AFG2A: variants seen among roughly 807,000 people sequenced by gnomAD.
AFG2A encodes AAA ATPase AFG2A, also known as ATPase family gene 2 protein homolog A.
the AFG2A span, among the ~76,000 whole-genome samples, chr4:122,955,458 A>G: frequency 6.6e-6 from 1 of 152,212 alleles, no homozygotes; most frequent in Non-Finnish European, 1.5e-5. Context: ...GGGACATTCA[A>G]ACCATTGCAG....
chr4:123,122,593 C>T, the AFG2A span, among the ~76,000 whole-genome samples: 1 of 152,136 alleles, frequency 6.6e-6, no homozygotes, highest in African/African-American at 2.4e-5. Context: ...CATTGTAAGT[C>T]AGGGACTGTT....
the AFG2A span, among the ~76,000 whole-genome samples, chr4:123,168,620 G>C: frequency 6.6e-6 from 1 of 152,110 alleles, no homozygotes; most frequent in Non-Finnish European, 1.5e-5. Context: ...CACTTCAAAT[G>C]GGGATTAGTT....
At chr4:123,097,307 T>C in the AFG2A span, among the ~76,000 whole-genome samples, 156 of 152,092 alleles carry the variant, frequency 1.0e-3, no homozygotes, top group South Asian at 4.1e-4. Flanking sequence ...TCTCCATTTT[T>C]CCTAGTTATA....
At chr4:123,241,302 T>C in the AFG2A span, among the ~76,000 whole-genome samples, 1 of 152,186 alleles carries the variant, frequency 6.6e-6, no homozygotes, top group Non-Finnish European at 1.5e-5. Flanking sequence ...ATCATCCTAA[T>C]ACCAAAGCCT....
At chr4:123,166,567 A>AT in the AFG2A span, among the ~76,000 whole-genome samples, 1 of 152,174 alleles carries the variant, frequency 6.6e-6, no homozygotes, top group Non-Finnish European at 1.5e-5. Context: ...AACTTATTAA[A>AT]TTATACTTTT....
At chr4:123,114,645 C>G in the AFG2A span, among the ~76,000 whole-genome samples, 1 of 152,222 alleles carries the variant, frequency 6.6e-6, no homozygotes, top group African/African-American at 2.4e-5. Flanking sequence ...CTCGAGAGCA[C>G]CAGGAGACCC....
At chr4:122,981,892 CTT>C in the AFG2A span, among the ~76,000 whole-genome samples, 2 of 145,456 alleles carry the variant, frequency 1.4e-5, no homozygotes, top group African/African-American at 2.5e-5. Flanking sequence ...TGGTTTTAAT[CTT>C]TTTTTTTTGG....
the AFG2A span, among the ~76,000 whole-genome samples, chr4:123,087,434 T>C: frequency 6.6e-6 from 1 of 152,186 alleles, no homozygotes; most frequent in Non-Finnish European, 1.5e-5. Flanking sequence ...AAAACCTCAA[T>C]AACATAAGCT....
the AFG2A span, among the ~76,000 whole-genome samples, chr4:123,018,341 TAA>T: frequency 6.6e-6 from 1 of 152,212 alleles, no homozygotes; most frequent in Non-Finnish European, 1.5e-5. Context: ...GGTTATATTG[TAA>T]AAATAATTTA....
the AFG2A span, among the ~76,000 whole-genome samples, chr4:123,272,635 T>C: frequency 1.3e-5 from 2 of 152,172 alleles, no homozygotes; most frequent in Non-Finnish European, 2.9e-5. Flanking sequence ...GATACAGGCA[T>C]CGTAGCCTAC....
chr4:123,299,711 T>C, the AFG2A span, among the ~76,000 whole-genome samples: 1 of 152,182 alleles, frequency 6.6e-6, no homozygotes, highest in Non-Finnish European at 1.5e-5. Flanking sequence ...AAAATGGTGA[T>C]GTAAAGTATA....
chr4:123,004,478 CTA>C, the AFG2A span, among the ~76,000 whole-genome samples: 1 of 152,156 alleles, frequency 6.6e-6, no homozygotes, highest in African/African-American at 2.4e-5. Context: ...TGAATGTTTT[CTA>C]TGTTATCTTT....
chr4:122,942,404 T>G, the AFG2A span, among the ~76,000 whole-genome samples: 35 of 151,784 alleles, frequency 2.3e-4, no homozygotes, highest in East Asian at 6.2e-3. Flanking sequence ...CTTCTAGATT[T>G]TCTAGTTTAT....
At chr4:122,975,560 A>G in the AFG2A span, among the ~76,000 whole-genome samples, 1 of 152,198 alleles carries the variant, frequency 6.6e-6, no homozygotes, top group African/African-American at 2.4e-5. Context: ...TAGCTAGAGT[A>G]GCAGCATTTG....
At chr4:122,959,316 CAA>C in the AFG2A span, among the ~76,000 whole-genome samples, 1 of 152,080 alleles carries the variant, frequency 6.6e-6, no homozygotes, top group Non-Finnish European at 1.5e-5. Flanking sequence ...CTTTGCCACT[CAA>C]GAGAAAATGA....
chr4:123,093,102 A>G, the AFG2A span, among the ~76,000 whole-genome samples: 25 of 152,162 alleles, frequency 1.6e-4, no homozygotes, highest in Non-Finnish European at 3.1e-4. Context: ...GATACAGGAC[A>G]GGCCAGCCCC....
chr4:123,226,903 A>G, the AFG2A span, among the ~76,000 whole-genome samples: 3 of 152,202 alleles, frequency 2.0e-5, no homozygotes, highest in Non-Finnish European at 4.4e-5. Flanking sequence ...TTATTGGTCT[A>G]TTCAGAGATT....
the AFG2A span, among the ~76,000 whole-genome samples, chr4:123,144,887 A>ACCTGTGGAACCTG: frequency 6.6e-6 from 1 of 152,070 alleles, no homozygotes; most frequent in Admixed American, 6.6e-5. Context: ...CTTTCAGTAG[A>ACCTGTGGAACCTG]TGGACCTGTG....
chr4:123,113,458 G>A, the AFG2A span, among the ~76,000 whole-genome samples: 1 of 151,900 alleles, frequency 6.6e-6, no homozygotes, highest in South Asian at 2.1e-4. Flanking sequence ...CTGCATTTGC[G>A]ATAACTTTCA....
Sources: gnomAD v4.1 joint callset for allele counts (sites outside exome capture counted in the v4.1 genomes callset) on GRCh38, gnomAD v4.1.1 for gene constraint, MANE v1.5 for transcripts, NCBI Gene and HGNC (gene_info 2026-07-23, HGNC 2026-07-21) for gene names.